The following GMCL1 variants were observed in gnomAD, a reference collection of about 807,000 sequenced individuals.
GMCL1 encodes the protein germ cell-less 1, spermatogenesis associated.
Under a neutral mutation model 75.5 loss-of-function variants are expected in GMCL1, and 54 were observed. The observed-to-expected ratio is 0.71, with a 90% CI of 0.57 to 0.90. The LOEUF is 0.90. Among genes scored for constraint, GMCL1 ranks in the 40% least tolerant of loss-of-function variants. GMCL1 has a pLI of 0.00. For synonymous variants in GMCL1, 210 were observed against 209.6 expected (o/e 1.00, Z -0.02); for missense variants, 537 against 622.7 (o/e 0.86, Z 1.47).
At chr2:69,837,476 A>T in intron 1 of GMCL1, 71 bp from the exon 2 acceptor site, 1 of 1,171,414 alleles carries the variant, frequency 8.5e-7, no homozygotes, top group South Asian at 1.6e-5. Flanking sequence ...AGGAGTATTT[A>T]GAAATATATG....
chr2:69,875,090 CTA>C (rs1275790050), intron 13 of GMCL1, among the ~76,000 whole-genome samples: 3 of 152,130 alleles, frequency 2.0e-5, no homozygotes, highest in African/African-American at 7.2e-5. Flanking sequence ...TCAAAACAAT[CTA>C]TCTTTTTCTT....
At chr2:69,860,173 G>A (rs1397943344) in intron 9 of GMCL1, among the ~76,000 whole-genome samples, 1 of 151,826 alleles carries the variant, frequency 6.6e-6, no homozygotes, top group East Asian at 1.9e-4. Flanking sequence ...TGTGGTTTTG[G>A]AGAGATCAGG....
intron 12 of GMCL1, 115 bp downstream of exon 12, chr2:69,869,979 G>A (rs773862069): frequency 4.0e-6 from 4 of 990,252 alleles, no homozygotes; most frequent in Admixed American, 5.6e-5. Context: ...AGTATATGTG[G>A]AAGTGGTAGG....
rs1398880195 is a variant in GMCL1, at chr2:69,830,065, C to G, written c.173C>G (p.Ser58Cys). The G allele has an allele frequency of 1.9e-6, 3 of 1,571,366 alleles. No homozygotes were observed. Among genetic ancestry groups the G allele is most frequent in the East Asian group, 2.3e-5 (1 of 42,674 alleles). Residue 58 changes from serine (S) to cysteine (C), a missense_variant, in exon 1 of 14, where the codon TCC (serine) becomes TGC (cysteine). Around this residue, in one of 3 missense-constraint regions of GMCL1, gnomAD observed 144 missense variants for 127.2 expected, o/e 1.13. Coordinates refer to ENST00000282570, the MANE Select transcript of GMCL1 (RefSeq NM_178439.5). ...CACAAGCGCAAGCGGAGCAGCGGGT[C>G]CTTCTGCTACTGTCACCCTGACTCG... ...GSHKRKRSSG[S>C]FCYCHPDSET...
chr2:69,843,045 CT>C (rs1675030467), intron 4 of GMCL1, 103 bp from the exon 5 acceptor site: 4 of 326,728 alleles, frequency 1.2e-5, no homozygotes, highest in African/African-American at 8.1e-5. Context: ...TCTTTCTTTT[CT>C]TTCTTCTTTT....
chr2:69,832,067 A>G (rs896314883), intron 1 of GMCL1, among the ~76,000 whole-genome samples: 2 of 152,162 alleles, frequency 1.3e-5, no homozygotes, highest in South Asian at 2.1e-4. Flanking sequence ...CTAAAAATAT[A>G]AAAACTAACC....
chr2:69,842,441 C>T (rs1675012564), intron 4 of GMCL1, among the ~76,000 whole-genome samples: 1 of 152,078 alleles, frequency 6.6e-6, no homozygotes, highest in South Asian at 2.1e-4. Flanking sequence ...TACTTACTTC[C>T]AATAAGTATA....
intron 13 of GMCL1, 107 bp downstream of exon 13, chr2:69,871,939 A>T (rs944274259): frequency 4.1e-6 from 3 of 729,504 alleles, no homozygotes; most frequent in Non-Finnish European, 6.7e-6. Flanking sequence ...TTTTGACCTA[A>T]AAGTTGGTTT....
intron 3 of GMCL1, among the ~76,000 whole-genome samples, chr2:69,840,360 A>C (rs987004644): frequency 1.3e-5 from 2 of 151,916 alleles, no homozygotes; most frequent in Non-Finnish European, 2.9e-5. Context: ...CAGTGAGCCG[A>C]GATCGCGCCA....
intron 6 of GMCL1, chr2:69,844,935 GT>G: frequency 8.5e-6 from 2 of 235,002 alleles, no homozygotes. Flanking sequence ...ACAGGCCATG[GT>G]TTTAGACAAG....
intron 5 of GMCL1, 67 bp from the exon 6 acceptor site, chr2:69,844,058 TTAACTA>T: frequency 1.5e-6 from 1 of 660,300 alleles, no homozygotes; most frequent in South Asian, 2.9e-5. Context: ...TGATTTTATT[TTAACTA>T]TAAGTCCTAC....
At chr2:69,835,925 T>C (rs548206945) in intron 1 of GMCL1, among the ~76,000 whole-genome samples, 8 of 152,176 alleles carry the variant, frequency 5.3e-5, no homozygotes, top group Non-Finnish European at 1.2e-4. Flanking sequence ...AATTTCAGAA[T>C]GAGGATTGCT....
intron 11 of GMCL1, 85 bp downstream of exon 11, chr2:69,865,060 C>T (rs565554116): frequency 2.4e-4 from 237 of 977,662 alleles, no homozygotes; most frequent in Non-Finnish European, 3.6e-4. Context: ...ATCATGACAC[C>T]TGTCATACCT....
chr2:69,871,981 C>G, intron 13 of GMCL1, 149 bp downstream of exon 13: 1 of 567,014 alleles, frequency 1.8e-6, no homozygotes, highest in East Asian at 3.2e-5. Context: ...ATGAAAGTAC[C>G]ACATTCACTT....
intron 10 of GMCL1, among the ~76,000 whole-genome samples, chr2:69,863,392 G>A (rs1675714702): frequency 6.6e-6 from 1 of 152,190 alleles, no homozygotes; most frequent in Non-Finnish European, 1.5e-5. Flanking sequence ...AAGTGAGGAA[G>A]ACACTATATT....
intron 3 of GMCL1, 135 bp downstream of exon 3, chr2:69,839,688 G>A (rs940427240): frequency 1.5e-5 from 8 of 550,596 alleles, no homozygotes; most frequent in East Asian, 5.7e-5. Context: ...ATAATTTGAT[G>A]TTGATTTACA....
chr2:69,859,348 T>A (rs4853092), intron 9 of GMCL1, among the ~76,000 whole-genome samples: 10,599 of 151,372 alleles, frequency 0.07, 973 homozygotes, highest in Admixed American at 0.22. Flanking sequence ...TGAATTTTTT[T>A]AAATATATGT....
intron 10 of GMCL1, 50 bp downstream of exon 10, chr2:69,861,397 T>C: frequency 8.8e-7 from 1 of 1,129,948 alleles, no homozygotes; most frequent in Non-Finnish European, 1.3e-6. Context: ...TTGCTATGAA[T>C]TTTTTAATGC....
At chr2:69,859,490 A>G (rs1375080860) in intron 9 of GMCL1, among the ~76,000 whole-genome samples, 1 of 151,560 alleles carries the variant, frequency 6.6e-6, no homozygotes, top group Non-Finnish European at 1.5e-5. Context: ...GAAAGATTCA[A>G]AAGTGTATTT....
Sources: gnomAD v4.1 joint callset for allele counts (sites outside exome capture counted in the v4.1 genomes callset) on GRCh38, gnomAD v4.1.1 for gene constraint, gnomAD v4.1.1 regional missense constraint, MANE v1.5 for transcripts, NCBI Gene and HGNC (gene_info 2026-07-23, HGNC 2026-07-21) for gene names.